The following IGF1R variants were observed in gnomAD, a reference collection of about 807,000 sequenced individuals.
The protein encoded by IGF1R is insulin-like growth factor 1 receptor.
In IGF1R, 44 loss-of-function variants were observed where a neutral mutation model predicts 144.6. The ratio of observed to expected loss-of-function variants is 0.30; its 90% confidence interval spans 0.24 to 0.39. IGF1R has a LOEUF of 0.39. Ranked by LOEUF, IGF1R falls within the 10% of genes least tolerant of loss-of-function variation. IGF1R has a pLI of 1.00. For synonymous variants in IGF1R, 795 were observed against 722.8 expected (o/e 1.10, Z -1.60); for missense variants, 1,355 against 1,833.7 (o/e 0.74, Z 4.77).
chr15:98,757,168 A>AT (rs545290651), intron 2 of IGF1R, among the ~76,000 whole-genome samples: 59 of 148,398 alleles, frequency 4.0e-4, no homozygotes, highest in Admixed American at 8.7e-4. Flanking sequence ...ACCTTTTATA[A>AT]TTTTTTTTTT....
intron 2 of IGF1R, among the ~76,000 whole-genome samples, chr15:98,789,950 A>T (rs530548199): frequency 6.6e-6 from 1 of 152,214 alleles, no homozygotes; most frequent in African/African-American, 2.4e-5. Context: ...CTGTCTGCCA[A>T]CATTTAGTGT....
chr15:98,942,313 A>G (rs995682430), intron 18 of IGF1R, among the ~76,000 whole-genome samples: 1 of 152,088 alleles, frequency 6.6e-6, no homozygotes, highest in Non-Finnish European at 1.5e-5. Context: ...GTGGGACTCT[A>G]ATTTTTACAC....
intron 4 of IGF1R, chr15:98,897,390 T>G (rs2014253068): frequency 5.4e-6 from 1 of 183,734 alleles, no homozygotes. Context: ...CAAATTTACT[T>G]GTGAGAGACA....
At chr15:98,808,125 G>C (rs2056506952) in intron 2 of IGF1R, among the ~76,000 whole-genome samples, 1 of 152,204 alleles carries the variant, frequency 6.6e-6, no homozygotes, top group African/African-American at 2.4e-5. Context: ...GGGGAAGAAT[G>C]ATGTTAGGGT....
intron 2 of IGF1R, among the ~76,000 whole-genome samples, chr15:98,724,408 T>C (rs2054313294): frequency 6.6e-6 from 1 of 152,254 alleles, no homozygotes; most frequent in Admixed American, 6.5e-5. Context: ...CAGACATTTA[T>C]GAAGCAGGGG....
At chr15:98,730,793 CAAA>C (rs1831266956) in intron 2 of IGF1R, among the ~76,000 whole-genome samples, 1 of 152,110 alleles carries the variant, frequency 6.6e-6, no homozygotes, top group East Asian at 1.9e-4. Context: ...ATTAAAGTAA[CAAA>C]AATAATGGCA....
At chr15:98,698,778 A>G (rs74490441) in intron 1 of IGF1R, among the ~76,000 whole-genome samples, 2 of 152,340 alleles carry the variant, frequency 1.3e-5, no homozygotes, top group East Asian at 1.9e-4. Flanking sequence ...AAGCCTCAGT[A>G]TTTCAAGAAG....
intron 2 of IGF1R, among the ~76,000 whole-genome samples, chr15:98,754,300 G>A (rs2055093540): frequency 6.6e-6 from 1 of 152,126 alleles, no homozygotes; most frequent in Non-Finnish European, 1.5e-5. Flanking sequence ...GGAACCTGAG[G>A]ATTTGGAAGT....
chr15:98,962,183 C>T lies in IGF1R; in HGVS notation c.*4741C>T. The stretch of plus-strand genomic sequence containing the variant: ...CTAGTGTTCTTAGCTGTCACGTTGG[C>T]TCCTTCCAGGGTGGCCAGACGGTGT... On this transcript the variant is annotated 3_prime_UTR_variant, in exon 21 of 21. Coordinates refer to ENST00000650285, the MANE Select transcript of IGF1R (RefSeq NM_000875.5). 1 of 233,362 alleles carries T rather than the reference C, an allele frequency of 4.3e-6. No individual in the cohort carries two copies. Among genetic ancestry groups the T allele is most frequent in the Non-Finnish European group, 8.5e-6 (1 of 118,072 alleles). 14.5% of individuals were successfully genotyped at this position (233,362 alleles called of 1,614,324 possible).
intron 20 of IGF1R, among the ~76,000 whole-genome samples, chr15:98,949,184 TA>T (rs1294764628): frequency 6.6e-6 from 1 of 152,202 alleles, no homozygotes; most frequent in Non-Finnish European, 1.5e-5. Context: ...ATGCACCACG[TA>T]GGGTCAGCTT....
At chr15:98,813,751 C>T (rs927796176) in intron 2 of IGF1R, among the ~76,000 whole-genome samples, 4 of 152,210 alleles carry the variant, frequency 2.6e-5, no homozygotes, top group Admixed American at 1.3e-4. Flanking sequence ...GGATGCAGAG[C>T]GGCCCCAGTC....
chr15:98,798,404 G>A (rs2056294360), intron 2 of IGF1R, among the ~76,000 whole-genome samples: 1 of 151,910 alleles, frequency 6.6e-6, no homozygotes, highest in Non-Finnish European at 1.5e-5. Context: ...CCACGGTGAG[G>A]ACTTCGGCTT....
At chr15:98,766,958 A>T (rs897862093) in intron 2 of IGF1R, among the ~76,000 whole-genome samples, 1 of 152,234 alleles carries the variant, frequency 6.6e-6, no homozygotes, top group Non-Finnish European at 1.5e-5. Flanking sequence ...CCAGGGCTGC[A>T]TGGTGTCAGC....
At position 98,922,230 on chromosome 15, in the gene IGF1R, A is replaced by G; in HGVS notation, c.2284A>G (p.Thr762Ala). ...AAGCAGGAACACCACGGCCGCAGAC[A>G]CCTACAACATCACCGACCCGGAAGA... The part of the protein sequence containing the change: ...SRSRNTTAAD[T>A]YNITDPEELE... Residue 762 changes from threonine to alanine, a missense_variant, in exon 11 of 21, where the codon ACC becomes GCC. Physicochemically the swap from Thr to Ala is moderately conservative, Grantham distance 58. Transcript: ENST00000650285. 6.8e-6 allele frequency: 11 copies of G among 1,614,228 alleles called. No individual in the cohort carries two copies. The highest frequency in any genetic ancestry group is 1.1e-5 in the South Asian group (1 of 91,080).
At chr15:98,670,873 G>A (rs1248345861) in intron 1 of IGF1R, among the ~76,000 whole-genome samples, 4 of 152,000 alleles carry the variant, frequency 2.6e-5, no homozygotes, top group East Asian at 1.9e-4. Context: ...ATGACCTGCC[G>A]GTAGAATTGA....
chr15:98,846,939 T>C (rs886685605), intron 2 of IGF1R, among the ~76,000 whole-genome samples: 4 of 151,656 alleles, frequency 2.6e-5, no homozygotes, highest in Non-Finnish European at 5.9e-5. Flanking sequence ...GGCTGCCAAT[T>C]ATTATATTCC....
At chr15:98,712,057 G>A (rs2054005899) in intron 2 of IGF1R, among the ~76,000 whole-genome samples, 1 of 152,154 alleles carries the variant, frequency 6.6e-6, no homozygotes, top group African/African-American at 2.4e-5. Flanking sequence ...TCATACTGGG[G>A]ATTAGGTTTC....
chr15:98,928,157 G>T (rs1007469279), intron 13 of IGF1R, among the ~76,000 whole-genome samples: 1 of 151,968 alleles, frequency 6.6e-6, no homozygotes, highest in African/African-American at 2.4e-5. Context: ...CACCAGCACC[G>T]CCACAGCTCA....
Position 98,665,106 on chromosome 15 carries a change from C to T in IGF1R, c.94+15431C>T, listed in dbSNP as rs536198043. ...CCCAGCAGCTGGGACTACAGGCGTCCGCTGCCACACTAATTTTTGTATTTT... is the reference window on the plus strand; with the variant it reads ...CCCAGCAGCTGGGACTACAGGCGTCTGCTGCCACACTAATTTTTGTATTTT... On this transcript the variant is annotated intron_variant, in intron 1 of 20. Transcript: ENST00000650285. Among the ~76,000 whole-genome samples, 227 of 152,126 alleles carry T rather than the reference C, an allele frequency of 1.5e-3. 1 individual carries two copies. Among genetic ancestry groups the T allele is most frequent in the African/African-American group, 4.5e-3 (188 of 41,508 alleles).
Sources: allele counts gnomAD v4.1 joint callset (sites outside exome capture counted in the v4.1 genomes callset), GRCh38; gene constraint gnomAD v4.1.1; transcripts MANE v1.5; gene names NCBI Gene and HGNC (gene_info 2026-07-23, HGNC 2026-07-21).